BATF: variants seen among roughly 807,000 people sequenced by gnomAD.
BATF encodes basic leucine zipper transcriptional factor ATF-like.
BATF carries 5 observed loss-of-function variants against 13.7 expected under a neutral mutation model. That is an observed-to-expected ratio of 0.36 (90% CI 0.19 to 0.77). The LOEUF (loss-of-function observed/expected upper bound fraction) is 0.77. BATF is among the 30% of genes least tolerant of loss of function. The pLI is 0.51. For synonymous variants in BATF, 72 were observed against 67.5 expected (o/e 1.07, Z -0.33); for missense variants, 124 against 163.0 (o/e 0.76, Z 1.30).
At chr14:75,524,799 A>ATTT (rs146615973) in intron 1 of BATF, among the ~76,000 whole-genome samples, 88 of 143,070 alleles carry the variant, frequency 6.2e-4, no homozygotes, top group African/African-American at 2.1e-3. Context: ...CGCCTTAACC[A>ATTT]TTTTTTTTTT....
At chr14:75,546,109 G>A (rs989760187) in intron 2 of BATF, among the ~76,000 whole-genome samples, 3 of 152,008 alleles carry the variant, frequency 2.0e-5, no homozygotes, top group Non-Finnish European at 4.4e-5. Context: ...CAATCCGCCC[G>A]CCTCGGCCTC....
At position 75,546,867 on chromosome 14, in the gene BATF, T is replaced by C; in HGVS notation, c.*196T>C. 1.3e-6 allele frequency: 1 copy of C among 782,044 alleles called. No homozygotes were observed. 48.4% of individuals were successfully genotyped at this position (782,044 alleles called of 1,614,324 possible). A position where few individuals can be genotyped will look rare whatever the true frequency, so the allele number is the denominator to read the frequency against. ...CCGCAGCGTTTCGAGGGGCGTGTGC[T>C]GGACCCCACCACTGTGGGTTGCAGG... On this transcript the variant is annotated 3_prime_UTR_variant, in exon 3 of 3. Transcript: ENST00000286639.
chr14:75,538,760 G>T (rs1027259066), intron 2 of BATF, among the ~76,000 whole-genome samples: 1 of 152,190 alleles, frequency 6.6e-6, no homozygotes. Flanking sequence ...AATTAGCCGG[G>T]CATGGTGGCG....
intron 2 of BATF, among the ~76,000 whole-genome samples, chr14:75,531,711 G>A (rs1887736885): frequency 6.6e-6 from 1 of 152,196 alleles, no homozygotes; most frequent in South Asian, 2.1e-4. Flanking sequence ...CTAACACTGT[G>A]AGAAATACGG....
At chr14:75,524,741 C>T (rs185635908) in intron 1 of BATF, among the ~76,000 whole-genome samples, 3 of 150,838 alleles carry the variant, frequency 2.0e-5, no homozygotes, top group African/African-American at 4.9e-5. Flanking sequence ...AGTGAGAGGG[C>T]GAGGGTGGAG....
chr14:75,538,719 G>T (rs1221038453), intron 2 of BATF, among the ~76,000 whole-genome samples: 1 of 152,190 alleles, frequency 6.6e-6, no homozygotes, highest in African/African-American at 2.4e-5. Context: ...GGCTAACACG[G>T]TGAAACCATG....
At chr14:75,533,106 G>C (rs768508697) in intron 2 of BATF, among the ~76,000 whole-genome samples, 1 of 152,126 alleles carries the variant, frequency 6.6e-6, no homozygotes, top group Non-Finnish European at 1.5e-5. Context: ...TGACGGGTCG[G>C]CATGGCTAAG....
Position 75,526,277 on chromosome 14 carries a change from T to G in BATF, c.168+1089T>G, listed in dbSNP as rs75275174. Among the ~76,000 whole-genome samples the G allele has an allele frequency of 3.6e-3, 549 of 152,330 alleles. 4 individuals are homozygous for G. The highest frequency in any genetic ancestry group is 0.013 in the African/African-American group (530 of 41,564). On this transcript the variant is annotated intron_variant, in intron 2 of 2. Coordinates refer to ENST00000286639, the MANE Select transcript of BATF (RefSeq NM_006399.5). ...AGTATGGTTCTTGTTCAACCAACTCTTCACTAGTTCCTTTCTCTCCATCCC... is the reference window on the plus strand; with the variant it reads ...AGTATGGTTCTTGTTCAACCAACTCGTCACTAGTTCCTTTCTCTCCATCCC...
rs145165372 is a variant in BATF, at chr14:75,522,854, G to C, written c.63+109G>C. On this transcript the variant is annotated intron_variant, in intron 1 of 2. Coordinates refer to ENST00000286639, the MANE Select transcript of BATF (RefSeq NM_006399.5). Reference sequence around the variant, plus strand: ...GAGCTGAGGATGGAGGAAGTGGCTCGTTGCACGGGCACTCTGTTAGACTTA... The same window carrying C: ...GAGCTGAGGATGGAGGAAGTGGCTCCTTGCACGGGCACTCTGTTAGACTTA... The C allele has an allele frequency of 1.1e-5, 15 of 1,325,582 alleles. No individual in the cohort carries two copies. In the Middle Eastern group the frequency reaches 9.1e-4, roughly 80 times the overall value. The allele number at this position is 1,325,582 out of a possible 1,614,324, so 82.1% of individuals were successfully genotyped here. A position where few individuals can be genotyped will look rare whatever the true frequency, so the allele number is the denominator to read the frequency against.
chr14:75,541,865 T>A lies in BATF; in HGVS notation c.169-4597T>A, dbSNP rs112230073. Among the ~76,000 whole-genome samples, 642 of 152,324 alleles carry A rather than the reference T, an allele frequency of 4.2e-3. 3 individuals are homozygous for A. Among genetic ancestry groups the A allele is most frequent in the African/African-American group, 0.015 (616 of 41,578 alleles). On this transcript the variant is annotated intron_variant, in intron 2 of 2. Transcript: ENST00000286639. ...TTTTTGTAGAGACAGGGCTTCACCA[T>A]GCTGGCCAGGCTGGTCTTGAATTCC...
At chr14:75,532,844 TA>T (rs1887757883) in intron 2 of BATF, among the ~76,000 whole-genome samples, 1 of 152,218 alleles carries the variant, frequency 6.6e-6, no homozygotes, top group Non-Finnish European at 1.5e-5. Context: ...CCCTTTCACG[TA>T]AAATTTGTGG....
At chr14:75,540,180 C>T (rs1887875787) in intron 2 of BATF, among the ~76,000 whole-genome samples, 1 of 152,168 alleles carries the variant, frequency 6.6e-6, no homozygotes, top group Non-Finnish European at 1.5e-5. Context: ...GGTGCCTGGA[C>T]AGTCCCCACC....
At chr14:75,545,020 C>T (rs940100743) in intron 2 of BATF, among the ~76,000 whole-genome samples, 1 of 152,066 alleles carries the variant, frequency 6.6e-6, no homozygotes, top group African/African-American at 2.4e-5. Flanking sequence ...GAAATCAGCA[C>T]TTCTTAGCAG....
In BATF at chr14:75,546,354, G is replaced by T. The variant is rs577743877; in HGVS notation, c.169-108G>T. On this transcript the variant is annotated intron_variant, in intron 2 of 2. Coordinates refer to ENST00000286639, the MANE Select transcript of BATF (RefSeq NM_006399.5). ...AAATTCTCTGGTGCCCTTCTCCATGGCTGTGCTAGTGAACAACTAATCTGG... is the reference window on the plus strand; with the variant it reads ...AAATTCTCTGGTGCCCTTCTCCATGTCTGTGCTAGTGAACAACTAATCTGG... 8.4e-6 allele frequency: 9 copies of T among 1,077,024 alleles called. No homozygotes were observed. In the South Asian group the frequency reaches 1.2e-4, roughly 14 times the overall value. 66.7% of individuals were successfully genotyped at this position (1,077,024 alleles called of 1,614,324 possible).
Position 75,530,028 on chromosome 14 carries a change from C to T in BATF, c.168+4840C>T, listed in dbSNP as rs1185793117. Among the ~76,000 whole-genome samples, 4 of 141,342 alleles carry T rather than the reference C, an allele frequency of 2.8e-5. No individual in the cohort carries two copies. The East Asian group carries it at 8.3e-4, about 29-fold the overall frequency. The allele number at this position is 141,342 out of a possible 152,430, so 92.7% of individuals were successfully genotyped here. ...GCAGTGAACCAAGATAGCGCCACTG[C>T]ACTCCAGCCTGGGAGACAGAGCGAG... On this transcript the variant is annotated intron_variant, in intron 2 of 2. Coordinates refer to ENST00000286639, the MANE Select transcript of BATF (RefSeq NM_006399.5).
Position 75,534,233 on chromosome 14 carries a change from T to C in BATF, c.168+9045T>C, listed in dbSNP as rs184730153. 1.4e-4 allele frequency among the ~76,000 whole-genome samples: 21 copies of C among 152,306 alleles called. 1 individual carries two copies. The highest frequency in any genetic ancestry group is 1.5e-5 in the Non-Finnish European group (1 of 68,018). On this transcript the variant is annotated intron_variant, in intron 2 of 2. Coordinates refer to ENST00000286639, the MANE Select transcript of BATF (RefSeq NM_006399.5). ...TTTATGCTACAGAAAGAAACTCTTA[T>C]AAAGCAAAACATCAGGACTCCAATA... is the stretch of plus-strand genomic sequence containing the variant.
rs561754095 is a variant in BATF at position 75,526,069 on chromosome 14, TC to T, written c.168+882del. Among the ~76,000 whole-genome samples, 5 of 152,334 alleles carry T rather than the reference TC, an allele frequency of 3.3e-5. No homozygotes were observed. The South Asian group carries it at 1.0e-3, about 32-fold the overall frequency. On this transcript the variant is annotated intron_variant, in intron 2 of 2. Transcript: ENST00000286639. ...TGAGTTGCCTCTAGTCCCAAATTTT[TC>T]TAGAGAAAGCTTTTACCTCTGTCTT...
intron 2 of BATF, among the ~76,000 whole-genome samples, chr14:75,527,473 C>T (rs1887670543): frequency 6.6e-6 from 1 of 152,154 alleles, no homozygotes; most frequent in Non-Finnish European, 1.5e-5. Flanking sequence ...AGAGTCTTTC[C>T]TATGTTAAGC....
rs1887586151 is a variant in BATF, at chr14:75,522,564, G to A, written c.-119G>A. ...AGGTGGCTACAGGGCAGGCAGAGGA[G>A]GCACCTGTAGGGGGTGGTGGGCTGG... On this transcript the variant is annotated 5_prime_UTR_variant, in exon 1 of 3. Coordinates refer to ENST00000286639, the MANE Select transcript of BATF (RefSeq NM_006399.5). 1.8e-6 allele frequency: 2 copies of A among 1,120,230 alleles called. No individual in the cohort carries two copies. Among genetic ancestry groups the A allele is most frequent in the East Asian group, 4.9e-5 (2 of 40,708 alleles). The allele number at this position is 1,120,230 out of a possible 1,614,324, so 69.4% of individuals were successfully genotyped here. A position where few individuals can be genotyped will look rare whatever the true frequency, so the allele number is the denominator to read the frequency against.
Sources: gnomAD v4.1 joint callset for allele counts (sites outside exome capture counted in the v4.1 genomes callset) on GRCh38, gnomAD v4.1.1 for gene constraint, MANE v1.5 for transcripts, NCBI Gene and HGNC (gene_info 2026-07-23, HGNC 2026-07-21) for gene names.